FRAS1: variants seen among roughly 807,000 people sequenced by gnomAD.
FRAS1 encodes extracellular matrix organizing protein FRAS1.
FRAS1 carries 290 observed loss-of-function variants against 435.2 expected under a neutral mutation model. The observed-to-expected ratio is 0.67, with a 90% CI of 0.61 to 0.73. The LOEUF (loss-of-function observed/expected upper bound fraction) is 0.73. Among genes scored for constraint, FRAS1 ranks in the 30% least tolerant of loss-of-function variants. The probability of loss-of-function intolerance (pLI) is 0.00; values close to 1 mark genes in which losing one functional copy is unlikely to be tolerated. For missense variants in FRAS1, 4,860 were observed against 5,001.5 expected (o/e 0.97, Z 0.85); for synonymous variants, 1,800 against 1,851.0 (o/e 0.97, Z 0.71).
chr4:78,514,804 T>G (rs1409712494), intron 65 of FRAS1, among the ~76,000 whole-genome samples: 2 of 152,146 alleles, frequency 1.3e-5, no homozygotes. Flanking sequence ...CAGTGGCTCA[T>G]GCCTGTAATC....
At chr4:78,109,457 A>G (rs995064415) in intron 2 of FRAS1, among the ~76,000 whole-genome samples, 11 of 152,128 alleles carry the variant, frequency 7.2e-5, no homozygotes, top group African/African-American at 2.4e-4. Context: ...ACGAAAATCA[A>G]TAAACGTAAT....
intron 2 of FRAS1, among the ~76,000 whole-genome samples, chr4:78,184,250 G>A (rs1016634289): frequency 6.6e-6 from 1 of 152,158 alleles, no homozygotes; most frequent in African/African-American, 2.4e-5. Flanking sequence ...CAAGGAATTG[G>A]CATACATGAC....
At chr4:78,300,878 G>C (rs1272863978) in intron 14 of FRAS1, among the ~76,000 whole-genome samples, 1 of 151,956 alleles carries the variant, frequency 6.6e-6, no homozygotes, top group African/African-American at 2.4e-5. Flanking sequence ...CCAACTCCCT[G>C]TGACTGGCTG....
chr4:78,307,119 C>T (rs554412409), intron 14 of FRAS1, among the ~76,000 whole-genome samples: 17 of 152,224 alleles, frequency 1.1e-4, no homozygotes, highest in Middle Eastern at 3.4e-3. Flanking sequence ...TTGGAGTACC[C>T]GGCACTGTGA....
intron 54 of FRAS1, 82 bp from the exon 55 acceptor site, chr4:78,477,733 C>A: frequency 6.6e-7 from 1 of 1,519,268 alleles, no homozygotes; most frequent in East Asian, 2.3e-5. Flanking sequence ...GACTTGGATG[C>A]TCTTTTCCTA....
At chr4:78,217,555 A>G (rs1723822496) in intron 2 of FRAS1, among the ~76,000 whole-genome samples, 1 of 152,112 alleles carries the variant, frequency 6.6e-6, no homozygotes, top group South Asian at 2.1e-4. Context: ...TTTTGGAGAT[A>G]AGAGATTGCT....
intron 9 of FRAS1, among the ~76,000 whole-genome samples, chr4:78,271,510 T>A (rs925339089): frequency 6.6e-6 from 1 of 151,988 alleles, no homozygotes; most frequent in Non-Finnish European, 1.5e-5. Flanking sequence ...TTCCCCTTCC[T>A]GTGTCCAGGT....
chr4:78,078,317 T>C (rs919130710), intron 2 of FRAS1, among the ~76,000 whole-genome samples: 1 of 152,186 alleles, frequency 6.6e-6, no homozygotes, highest in Non-Finnish European at 1.5e-5. Context: ...TCATGTGGTA[T>C]ACATTTTTAA....
intron 73 of FRAS1, among the ~76,000 whole-genome samples, chr4:78,539,699 C>A (rs1347122809): frequency 2.0e-5 from 3 of 152,182 alleles, no homozygotes; most frequent in African/African-American, 7.2e-5. Flanking sequence ...GCATATGACA[C>A]TCCAGTTTTT....
chr4:78,382,158 T>C (rs1243340788), intron 27 of FRAS1, among the ~76,000 whole-genome samples: 2 of 152,128 alleles, frequency 1.3e-5, no homozygotes, highest in Non-Finnish European at 2.9e-5. Context: ...GCATTGCTGA[T>C]ATACTGAACA....
intron 9 of FRAS1, among the ~76,000 whole-genome samples, chr4:78,273,590 G>A (rs1726832118): frequency 1.3e-5 from 2 of 151,896 alleles, no homozygotes; most frequent in South Asian, 4.2e-4. Flanking sequence ...TTTTGTTTTT[G>A]GTTCTGTTTA....
At chr4:78,501,523 A>G (rs1053852895) in intron 61 of FRAS1, among the ~76,000 whole-genome samples, 2 of 152,124 alleles carry the variant, frequency 1.3e-5, no homozygotes, top group African/African-American at 2.4e-5. Context: ...CTGGTTCTAG[A>G]TCCTTGAGGA....
intron 61 of FRAS1, among the ~76,000 whole-genome samples, chr4:78,504,576 G>GTGGATCTTC (rs1444406485): frequency 1.3e-5 from 2 of 151,982 alleles, no homozygotes; most frequent in Non-Finnish European, 2.9e-5. Flanking sequence ...CATTTGCTTG[G>GTGGATCTTC]TGGATCTTCC....
chr4:78,439,406 T>G (rs2109823883), intron 40 of FRAS1, among the ~76,000 whole-genome samples: 1 of 152,284 alleles, frequency 6.6e-6, no homozygotes, highest in East Asian at 1.9e-4. Flanking sequence ...ACTTGGACAA[T>G]GACCCCAAAT....
At chr4:78,537,945 C>CAA (rs71661176) in intron 72 of FRAS1, among the ~76,000 whole-genome samples, 5 of 91,434 alleles carry the variant, frequency 5.5e-5, no homozygotes, top group South Asian at 3.3e-4. Flanking sequence ...GACCCTATCT[C>CAA]AAAAAAAAAA....
intron 66 of FRAS1, among the ~76,000 whole-genome samples, chr4:78,517,966 GA>G (rs1304700335): frequency 6.6e-6 from 1 of 152,008 alleles, no homozygotes; most frequent in Non-Finnish European, 1.5e-5. Context: ...AGAACAAAAA[GA>G]GGGGCTGGGA....
chr4:78,358,928 T>C (rs561722432), intron 20 of FRAS1, among the ~76,000 whole-genome samples: 47 of 152,232 alleles, frequency 3.1e-4, no homozygotes, highest in Non-Finnish European at 5.1e-4. Flanking sequence ...AGTGTCCACA[T>C]TTAATTTAAT....
chr4:78,152,449 C>T (rs1415601448), intron 2 of FRAS1, among the ~76,000 whole-genome samples: 1 of 152,080 alleles, frequency 6.6e-6, no homozygotes, highest in Non-Finnish European at 1.5e-5. Flanking sequence ...GACTAATGTA[C>T]TTGCTGATTT....
At chr4:78,493,662 G>A (rs970591310) in intron 59 of FRAS1, among the ~76,000 whole-genome samples, 1 of 152,058 alleles carries the variant, frequency 6.6e-6, no homozygotes. Flanking sequence ...TCTGGGTGGT[G>A]GGGGGCTAGG....
Sources: allele counts gnomAD v4.1 joint callset (sites outside exome capture counted in the v4.1 genomes callset), GRCh38; gene constraint gnomAD v4.1.1; transcripts MANE v1.5; gene names NCBI Gene and HGNC (gene_info 2026-07-23, HGNC 2026-07-21).